The following NTF3 variants were observed in gnomAD, a reference collection of about 807,000 sequenced individuals.
The protein encoded by NTF3 is neurotrophin 3.
A neutral mutation model predicts 26.3 loss-of-function variants in NTF3; 8 were observed. The observed-to-expected ratio is 0.30, with a 90% CI of 0.18 to 0.55. The LOEUF is 0.55. NTF3 is among the 20% of genes least tolerant of loss of function. NTF3 has a pLI of 0.93. For missense variants in NTF3, 276 were observed against 352.9 expected (o/e 0.78, Z 1.75); for synonymous variants, 154 against 145.5 (o/e 1.06, Z -0.42).
intron 1 of NTF3, among the ~76,000 whole-genome samples, chr12:5,487,142 G>A (rs1306958212): frequency 1.3e-5 from 2 of 152,140 alleles, no homozygotes; most frequent in Non-Finnish European, 2.9e-5. Context: ...GGCTTGTGTC[G>A]GCATACCAAG....
At chr12:5,469,868 G>A (rs1940642556) in intron 1 of NTF3, among the ~76,000 whole-genome samples, 1 of 152,134 alleles carries the variant, frequency 6.6e-6, no homozygotes, top group African/African-American at 2.4e-5. Context: ...GAGGGACCCT[G>A]TTTCCCTTTG....
At chr12:5,490,278 A>C (rs1196765589) in intron 1 of NTF3, among the ~76,000 whole-genome samples, 2 of 151,932 alleles carry the variant, frequency 1.3e-5, no homozygotes, top group Non-Finnish European at 2.9e-5. Flanking sequence ...TCTCGATCGT[A>C]GCAGGCGCTC....
intron 1 of NTF3, among the ~76,000 whole-genome samples, chr12:5,437,908 C>T (rs777320186): frequency 6.6e-6 from 1 of 152,028 alleles, no homozygotes; most frequent in East Asian, 1.9e-4. Flanking sequence ...GACACGTGAG[C>T]GTAGGAGATG....
At chr12:5,438,608 G>T (rs1268233305) in intron 1 of NTF3, among the ~76,000 whole-genome samples, 1 of 152,164 alleles carries the variant, frequency 6.6e-6, no homozygotes, top group Non-Finnish European at 1.5e-5. Flanking sequence ...AAGATTTAAG[G>T]TTCTCCAACA....
intron 1 of NTF3, among the ~76,000 whole-genome samples, chr12:5,474,934 G>C (rs1202363039): frequency 4.6e-5 from 7 of 152,150 alleles, no homozygotes; most frequent in Admixed American, 3.3e-4. Flanking sequence ...CGAGAGGCTG[G>C]AGGAGGAGCA....
intron 1 of NTF3, among the ~76,000 whole-genome samples, chr12:5,477,025 G>GA (rs1477015805): frequency 6.6e-6 from 1 of 151,594 alleles, no homozygotes; most frequent in East Asian, 1.9e-4. Flanking sequence ...TTATAATAAG[G>GA]AAAAAACATC....
At position 5,453,022 on chromosome 12, in the gene NTF3, C is replaced by T. The variant is rs569557849; in HGVS notation, c.18+20680C>T. On this transcript the variant is annotated intron_variant, in intron 1 of 1. Transcript: ENST00000423158. ...CCAGGTGACTGAGTAAGATCGTTTA[C>T]ACATCCATCATCCTCAAGTTTCTCA... Among the ~76,000 whole-genome samples, 29 of 152,304 alleles carry T rather than the reference C, an allele frequency of 1.9e-4. 1 individual carries two copies. The South Asian group carries it at 5.8e-3, about 31-fold the overall frequency.
At chr12:5,448,978 C>T (rs1057447698) in intron 1 of NTF3, among the ~76,000 whole-genome samples, 4 of 152,168 alleles carry the variant, frequency 2.6e-5, no homozygotes, top group Admixed American at 2.0e-4. Context: ...GACAGGAATA[C>T]AAAAATGCAC....
intron 1 of NTF3, among the ~76,000 whole-genome samples, chr12:5,435,327 C>T (rs375320882): frequency 6.6e-6 from 1 of 152,202 alleles, no homozygotes; most frequent in Non-Finnish European, 1.5e-5. Context: ...TGGCACACTG[C>T]CCTGGAAAAA....
At chr12:5,460,804 G>T (rs558181912) in intron 1 of NTF3, among the ~76,000 whole-genome samples, 1 of 152,228 alleles carries the variant, frequency 6.6e-6, no homozygotes, top group South Asian at 2.1e-4. Context: ...CTTAATACCA[G>T]GCCCCAGAGA....
intron 1 of NTF3, among the ~76,000 whole-genome samples, chr12:5,442,429 G>A (rs1940249176): frequency 6.6e-6 from 1 of 152,178 alleles, no homozygotes; most frequent in South Asian, 2.1e-4. Context: ...GGGGCTTGGG[G>A]AGGTGTAGGT....
At position 5,494,664 on chromosome 12, in the gene NTF3, G is replaced by A. The variant is rs763319507; in HGVS notation, c.489G>A (p.Ser163=). 9.3e-6 allele frequency: 15 copies of A among 1,614,006 alleles called. No individual in the cohort carries two copies. Among genetic ancestry groups the A allele is most frequent in the African/African-American group, 1.3e-5 (1 of 74,922 alleles). Residue 163 remains serine, a synonymous_variant, in exon 2 of 2, where the codon TCG becomes TCA. Transcript: ENST00000423158. This position sits in a 1 kb window ranked among gnomAD's most constrained non-coding sequence, Gnocchi z 8.3. ...AEHKSHRGEY[S]VCDSESLWVT... is the part of the protein sequence containing the mutation. ...ATAAGAGTCACCGAGGGGAGTACTCGGTATGTGACAGTGAGAGTCTGTGGG... is the reference window on the plus strand; with the variant it reads ...ATAAGAGTCACCGAGGGGAGTACTCAGTATGTGACAGTGAGAGTCTGTGGG...
chr12:5,430,649 A>T (rs1351766130), upstream of NTF3, among the ~76,000 whole-genome samples: 1 of 151,294 alleles, frequency 6.6e-6, no homozygotes, highest in African/African-American at 2.4e-5. Flanking sequence ...TTGGTCCTGA[A>T]CTGGTGGGTG....
chr12:5,431,251 G>A (rs946792182), upstream of NTF3, among the ~76,000 whole-genome samples: 1 of 152,124 alleles, frequency 6.6e-6, no homozygotes, highest in Admixed American at 6.5e-5. Context: ...CAGACTGGTG[G>A]GTGCTGGGCG....
At chr12:5,445,772 TTTTGGCGGC>T (rs1235415717) in intron 1 of NTF3, among the ~76,000 whole-genome samples, 1 of 152,204 alleles carries the variant, frequency 6.6e-6, no homozygotes, top group Non-Finnish European at 1.5e-5. Context: ...CCTCCCTGCC[TTTTGGCGGC>T]TTTGCCATGA....
intron 1 of NTF3, among the ~76,000 whole-genome samples, chr12:5,469,470 A>G (rs754405622): frequency 6.6e-6 from 1 of 152,164 alleles, no homozygotes; most frequent in African/African-American, 2.4e-5. Context: ...TTAGGGGCCC[A>G]GGTCACAATC....
chr12:5,436,040 G>A (rs888198196), intron 1 of NTF3, among the ~76,000 whole-genome samples: 2 of 152,198 alleles, frequency 1.3e-5, no homozygotes, highest in Non-Finnish European at 2.9e-5. Context: ...CACAAAAGAA[G>A]GGCCGTAGAC....
upstream of NTF3, among the ~76,000 whole-genome samples, chr12:5,431,668 G>T (rs1565568010): frequency 6.6e-6 from 1 of 152,096 alleles, no homozygotes; most frequent in South Asian, 2.1e-4. Flanking sequence ...AAAAAGGCAG[G>T]AAAAGGCCCT....
At chr12:5,452,982 T>C (rs1287479125) in intron 1 of NTF3, among the ~76,000 whole-genome samples, 2 of 152,166 alleles carry the variant, frequency 1.3e-5, no homozygotes, top group Non-Finnish European at 2.9e-5. Flanking sequence ...GAATCCCAGC[T>C]CCATCACTTG....
Sources: allele counts gnomAD v4.1 joint callset (sites outside exome capture counted in the v4.1 genomes callset), GRCh38; gene constraint gnomAD v4.1.1; non-coding constraint Gnocchi (gnomAD v3.1); transcripts MANE v1.5; gene names NCBI Gene and HGNC (gene_info 2026-07-23, HGNC 2026-07-21).